Variants in BLTP3A observed in about 807,000 individuals in gnomAD.
The protein encoded by BLTP3A is ICBP90 binding protein 1.
chr6:34,838,565 T>C, the BLTP3A span, among the ~76,000 whole-genome samples: 1 of 152,098 alleles, frequency 6.6e-6, no homozygotes, highest in Admixed American at 6.5e-5. Flanking sequence ...CAAGTTAGAG[T>C]TATTGTGTGG....
the BLTP3A span, chr6:34,792,392 T>C: frequency 3.2e-6 from 4 of 1,237,898 alleles, no homozygotes; most frequent in Non-Finnish European, 4.3e-6. Flanking sequence ...TCTGCCTCTC[T>C]CCAGCCCGGA....
chr6:34,841,565 A>G, the BLTP3A span, among the ~76,000 whole-genome samples: 1 of 152,228 alleles, frequency 6.6e-6, no homozygotes, highest in Non-Finnish European at 1.5e-5. Flanking sequence ...AAGCCATAGA[A>G]CACTTCCATC....
chr6:34,874,439 A>C, the BLTP3A span: 33 of 152,628 alleles, frequency 2.2e-4, no homozygotes, highest in African/African-American at 7.7e-4. Context: ...AAGCAGGAGA[A>C]TCGCTTGAAC....
chr6:34,821,438 T>TAAAAAA, the BLTP3A span: 12 of 508,946 alleles, frequency 2.4e-5, no homozygotes, highest in South Asian at 1.1e-4. Flanking sequence ...CTGAGTGCAT[T>TAAAAAA]TGTTCTGGCT....
At chr6:34,843,850 C>T in the BLTP3A span, among the ~76,000 whole-genome samples, 1 of 152,344 alleles carries the variant, frequency 6.6e-6, no homozygotes, top group East Asian at 1.9e-4. Flanking sequence ...TACTAATTTA[C>T]ATTCCCACCA....
the BLTP3A span, among the ~76,000 whole-genome samples, chr6:34,814,930 G>A: frequency 2.0e-5 from 3 of 152,230 alleles, no homozygotes; most frequent in East Asian, 5.8e-4. Context: ...GTGTGTTTTG[G>A]GGGAACTTAT....
At chr6:34,866,701 C>T in the BLTP3A span, among the ~76,000 whole-genome samples, 2 of 152,130 alleles carry the variant, frequency 1.3e-5, no homozygotes, top group Admixed American at 6.5e-5. Flanking sequence ...TTTCTTCTTG[C>T]GAAACAGAAA....
At chr6:34,804,527 A>G in the BLTP3A span, among the ~76,000 whole-genome samples, 1 of 152,152 alleles carries the variant, frequency 6.6e-6, no homozygotes, top group African/African-American at 2.4e-5. Flanking sequence ...TGCCAGGCAG[A>G]GGGAGCCGCA....
the BLTP3A span, chr6:34,834,688 A>G: frequency 6.3e-7 from 1 of 1,598,814 alleles, no homozygotes; most frequent in Non-Finnish European, 8.5e-7. Context: ...TTTCATTCAC[A>G]GGATTAAGGG....
At chr6:34,823,471 A>G in the BLTP3A span, 6 of 733,668 alleles carry the variant, frequency 8.2e-6, no homozygotes, top group East Asian at 5.1e-5. Context: ...AGAAAATGGT[A>G]TAAGAACCTC....
At chr6:34,876,435 T>C in the BLTP3A span, 2 of 152,190 alleles carry the variant, frequency 1.3e-5, no homozygotes, top group Admixed American at 6.6e-5. Context: ...GGGGGATGGG[T>C]GGTAGTGCAA....
the BLTP3A span, among the ~76,000 whole-genome samples, chr6:34,823,821 C>T: frequency 6.6e-6 from 1 of 152,010 alleles, no homozygotes; most frequent in South Asian, 2.1e-4. Flanking sequence ...CGGATGTGAA[C>T]CACCATGCCC....
chr6:34,858,719 C>T, the BLTP3A span: 1 of 1,614,184 alleles, frequency 6.2e-7, no homozygotes, highest in Non-Finnish European at 8.5e-7. Flanking sequence ...TCAGGACTTA[C>T]AGAAGTCATG....
the BLTP3A span, chr6:34,859,313 C>T: frequency 6.2e-7 from 1 of 1,613,872 alleles, no homozygotes; most frequent in Non-Finnish European, 8.5e-7. Context: ...ACCCAAGCCT[C>T]CAGCTCACCA....
At chr6:34,857,256 T>G in the BLTP3A span, 1 of 1,562,272 alleles carries the variant, frequency 6.4e-7, no homozygotes, top group Non-Finnish European at 8.7e-7. Context: ...AGAGGCTTTA[T>G]GCTTCCTAAG....
the BLTP3A span, chr6:34,855,938 G>C: frequency 1.0e-6 from 1 of 983,976 alleles, no homozygotes; most frequent in Non-Finnish European, 1.2e-6. Context: ...TAGTGCCTGA[G>C]ATATTGCTTT....
the BLTP3A span, among the ~76,000 whole-genome samples, chr6:34,854,239 A>T: frequency 1.3e-5 from 2 of 152,170 alleles, no homozygotes; most frequent in Admixed American, 1.3e-4. Context: ...GAAAAAAATT[A>T]AAAATTTTTA....
chr6:34,858,235 A>G, the BLTP3A span: 1 of 1,614,044 alleles, frequency 6.2e-7, no homozygotes, highest in Non-Finnish European at 8.5e-7. Flanking sequence ...TCCACATTGT[A>G]GTTGTTCAGA....
chr6:34,805,548 G>A, the BLTP3A span, among the ~76,000 whole-genome samples: 1 of 149,130 alleles, frequency 6.7e-6, no homozygotes, highest in Non-Finnish European at 1.5e-5. Flanking sequence ...AGCCTAGATA[G>A]TGCCATTGCA....
Sources: allele counts gnomAD v4.1 joint callset (sites outside exome capture counted in the v4.1 genomes callset), GRCh38; gene constraint gnomAD v4.1.1; transcripts MANE v1.5; gene names NCBI Gene and HGNC (gene_info 2026-07-23, HGNC 2026-07-21).